Variants in RFX3 observed in about 807,000 individuals in gnomAD.
RFX3 encodes the protein regulatory factor X3.
Under a neutral mutation model 98.6 loss-of-function variants are expected in RFX3, and 14 were observed. The ratio of observed to expected loss-of-function variants is 0.14; its 90% CI spans 0.09 to 0.22. The LOEUF (loss-of-function observed/expected upper bound fraction) is 0.22, where lower values mean the gene tolerates loss of function less well. Among genes scored for constraint, RFX3 ranks in the 10% least tolerant of loss-of-function variants. RFX3 has a pLI of 1.00. For missense variants in RFX3, 639 were observed against 926.9 expected, an observed-to-expected ratio of 0.69 and a Z score of 4.03; for synonymous variants, 383 against 328.4, an observed-to-expected ratio of 1.17 and a Z score of -1.80.
chr9:3,445,027 A>G (rs547536173), intron 1 of RFX3, among the ~76,000 whole-genome samples: 1 of 152,184 alleles, frequency 6.6e-6, no homozygotes, highest in Non-Finnish European at 1.5e-5. Flanking sequence ...GTACTTGGGG[A>G]GAAATACATT....
intron 2 of RFX3, among the ~76,000 whole-genome samples, chr9:3,383,670 C>G (rs1006703296): frequency 6.6e-6 from 1 of 152,094 alleles, no homozygotes; most frequent in Non-Finnish European, 1.5e-5. Context: ...GAAAGCCTAT[C>G]AGTTCACAAG....
chr9:3,279,076 T>C (rs1161719853), intron 7 of RFX3, among the ~76,000 whole-genome samples: 1 of 151,742 alleles, frequency 6.6e-6, no homozygotes, highest in African/African-American at 2.4e-5. Flanking sequence ...AATGTTTTTC[T>C]GATTTTTTTT....
At position 3,338,300 on chromosome 9, in the gene RFX3, A is replaced by G. The variant is rs113362990; in HGVS notation, c.216-7783T>C. 5.4e-4 allele frequency among the ~76,000 whole-genome samples: 83 copies of G among 152,374 alleles called. 2 individuals carry two copies. Among genetic ancestry groups the G allele is most frequent in the African/African-American group, 2.0e-3 (83 of 41,594 alleles). The stretch of plus-strand genomic sequence containing the variant: ...CTGCTATAACAAAAAGTAAAAAACA[A>G]AAAGCATTTATTCAGCCATTGCTAC... On this transcript the variant is annotated intron_variant, in intron 3 of 16. Coordinates refer to ENST00000617270, the MANE Select transcript of RFX3 (RefSeq NM_001282116.2).
chr9:3,388,502 G>T (rs1025540229), intron 2 of RFX3, among the ~76,000 whole-genome samples: 2 of 152,002 alleles, frequency 1.3e-5, no homozygotes, highest in Admixed American at 6.6e-5. Context: ...TAACCAAAAA[G>T]AAACCAATAT....
intron 2 of RFX3, among the ~76,000 whole-genome samples, chr9:3,375,445 C>G (rs1221764899): frequency 6.6e-6 from 1 of 152,184 alleles, no homozygotes; most frequent in Non-Finnish European, 1.5e-5. Flanking sequence ...ACCATCTAAC[C>G]ATATATTACC....
chr9:3,468,175 C>A (rs1017509608), intron 1 of RFX3, among the ~76,000 whole-genome samples: 1 of 152,092 alleles, frequency 6.6e-6, no homozygotes, highest in African/African-American at 2.4e-5. Context: ...ATGTATTACT[C>A]GGCTTCTTCA....
intron 1 of RFX3, among the ~76,000 whole-genome samples, chr9:3,509,681 T>G (rs1351598542): frequency 1.3e-5 from 2 of 152,016 alleles, no homozygotes; most frequent in African/African-American, 4.8e-5. Flanking sequence ...AAGGTATTTA[T>G]GCAAACTTTG....
chr9:3,277,361 G>C lies in RFX3; in HGVS notation c.952C>G (p.Gln318Glu). 1.2e-6 allele frequency: 2 copies of C among 1,612,610 alleles called. No individual in the cohort carries two copies. Among genetic ancestry groups the C allele is most frequent in the Non-Finnish European group, 1.7e-6 (2 of 1,178,980 alleles). The change falls in exon 8 of 17, where the codon CAA (glutamine) becomes GAA (glutamate). Residue 318 changes from glutamine to glutamate, a missense_variant. Coordinates refer to ENST00000617270, the MANE Select transcript of RFX3 (RefSeq NM_001282116.2). ...ATACCTAAAAACTGTTGATGATGTT[G>C]GCTTTGGGCAATTACAGTTTGCTCA... Reference protein sequence around the residue: ...SVEQTVIAQSQHHQQFLDASR... With the variant: ...SVEQTVIAQSEHHQQFLDASR...
Position 3,521,450 on chromosome 9 carries a change from A to G in RFX3, c.-9+4297T>C, listed in dbSNP as rs1049768795. 8.5e-5 allele frequency among the ~76,000 whole-genome samples: 13 copies of G among 152,172 alleles called. No individual in the cohort carries two copies. The East Asian group carries it at 1.5e-3, about 18-fold the overall frequency. On this transcript the variant is annotated intron_variant, in intron 1 of 16. Coordinates refer to ENST00000617270, the MANE Select transcript of RFX3 (RefSeq NM_001282116.2). The stretch of plus-strand genomic sequence containing the variant: ...AATTAAAAATTTTTTTCTTTAAATA[A>G]AAGTTCTAGTGAGTTCACATTCTTA...
chr9:3,487,449 T>G (rs983642352), intron 1 of RFX3, among the ~76,000 whole-genome samples: 2 of 152,216 alleles, frequency 1.3e-5, no homozygotes, highest in Non-Finnish European at 1.5e-5. Flanking sequence ...TTGTATATCC[T>G]GTGTACAGTA....
intron 2 of RFX3, among the ~76,000 whole-genome samples, chr9:3,355,397 A>G (rs1358906466): frequency 6.6e-6 from 1 of 151,862 alleles, no homozygotes; most frequent in Non-Finnish European, 1.5e-5. Flanking sequence ...TATAAGAAAA[A>G]ATGGACTGGC....
chr9:3,439,887 A>G (rs970819624), intron 1 of RFX3, among the ~76,000 whole-genome samples: 28 of 151,972 alleles, frequency 1.8e-4, no homozygotes, highest in African/African-American at 5.6e-4. Flanking sequence ...GTTAAATCTA[A>G]TATTCATAAA....
At chr9:3,384,212 C>T (rs1053650458) in intron 2 of RFX3, among the ~76,000 whole-genome samples, 10 of 25,870 alleles carry the variant, frequency 3.9e-4, no homozygotes, top group Admixed American at 2.9e-3. Context: ...CAGAATACCT[C>T]ATGTTTGCAT....
chr9:3,393,333 T>C (rs945748969), intron 2 of RFX3, among the ~76,000 whole-genome samples: 2 of 152,146 alleles, frequency 1.3e-5, no homozygotes, highest in African/African-American at 4.8e-5. Flanking sequence ...TACTATTATA[T>C]ACCCTATTAA....
chr9:3,508,309 G>C (rs996448531), intron 1 of RFX3, among the ~76,000 whole-genome samples: 1 of 151,792 alleles, frequency 6.6e-6, no homozygotes, highest in African/African-American at 2.4e-5. Context: ...CAAGTATTTA[G>C]CACTTTCTAT....
At chr9:3,502,412 A>G (rs1816125766) in intron 1 of RFX3, among the ~76,000 whole-genome samples, 1 of 152,232 alleles carries the variant, frequency 6.6e-6, no homozygotes, top group African/African-American at 2.4e-5. Context: ...AATCCAAAGG[A>G]TAATTTCAGC....
chr9:3,506,793 C>G (rs1413433740), intron 1 of RFX3, among the ~76,000 whole-genome samples: 1 of 151,678 alleles, frequency 6.6e-6, no homozygotes, highest in Non-Finnish European at 1.5e-5. Context: ...CAGCCCAATC[C>G]ACTGCCAGCT....
intron 14 of RFX3, among the ~76,000 whole-genome samples, chr9:3,256,339 CT>C (rs200534632): frequency 0.23 from 32,757 of 144,452 alleles, 5,272 homozygotes; most frequent in African/African-American, 0.47. Context: ...GGATTTGTTT[CT>C]TTTTTTTTTT....
intron 2 of RFX3, among the ~76,000 whole-genome samples, chr9:3,377,204 T>A (rs1373617188): frequency 6.6e-6 from 1 of 152,170 alleles, no homozygotes; most frequent in South Asian, 2.1e-4. Context: ...CAAATGTCCA[T>A]CAGTGATAGA....
Sources: allele counts gnomAD v4.1 joint callset (sites outside exome capture counted in the v4.1 genomes callset), GRCh38; gene constraint gnomAD v4.1.1; transcripts MANE v1.5; gene names NCBI Gene and HGNC (gene_info 2026-07-23, HGNC 2026-07-21).